The following NRDE2 variants were observed in gnomAD, a reference collection of about 807,000 sequenced individuals.
NRDE2 encodes NRDE-2, necessary for RNA interference, domain containing, also known as nuclear exosome regulator NRDE2.
Under a neutral mutation model 124.2 loss-of-function variants are expected in NRDE2, and 76 were observed. That is an observed-to-expected ratio of 0.61 (90% CI 0.51 to 0.74). NRDE2 has a LOEUF of 0.74. NRDE2 is among the 30% of genes least tolerant of loss of function. NRDE2 has a pLI of 0.00. For synonymous variants in NRDE2, 489 were observed against 528.1 expected (o/e 0.93, Z 1.01); for missense variants, 1,314 against 1,417.3 (o/e 0.93, Z 1.17).
chr14:90,304,290 C>A lies in NRDE2; in HGVS notation c.650G>T (p.Arg217Leu). ...AGTAAAATAGCGTTCAACCTGCTTG[C>A]GTGAATGCTTCTTCTCTGTGGAAGT... ...EGTSTEKKHS[R>L]KQVERYFTKK... Residue 217 changes from arginine to leucine, a missense_variant, in exon 5 of 14, where the codon CGC (arginine) becomes CTC (leucine). Transcript: ENST00000354366. 1 of 1,614,102 alleles carries A rather than the reference C, an allele frequency of 6.2e-7. No homozygotes were observed. The highest frequency in any genetic ancestry group is 8.5e-7 in the Non-Finnish European group (1 of 1,179,970).
rs773313077 is a variant in NRDE2, at chr14:90,290,433, C to G, written c.2017G>C (p.Asp673His). Reference sequence around the variant, plus strand: ...TTGAAAAAAGTCAAGGGCTTTTCATCATAAAGTCCATTATCAAAGATGCTG... The same window carrying G: ...TTGAAAAAAGTCAAGGGCTTTTCATGATAAAGTCCATTATCAAAGATGCTG... ...ENSIFDNGLY[D>H]EKPLTFFNPL... Residue 673 changes from aspartate to histidine, a missense_variant, in exon 10 of 14, where the codon GAT becomes CAT. Transcript: ENST00000354366. 1.2e-6 allele frequency: 2 copies of G among 1,614,060 alleles called. No individual in the cohort carries two copies. Among genetic ancestry groups the G allele is most frequent in the Non-Finnish European group, 1.7e-6 (2 of 1,180,024 alleles).
chr14:90,299,404 ATTAG>A lies in NRDE2; in HGVS notation c.1546-1028_1546-1025del, dbSNP rs762656260. 1.6e-3 allele frequency among the ~76,000 whole-genome samples: 25 copies of A among 15,554 alleles called. 2 individuals are homozygous for A. In the East Asian group the frequency reaches 0.095, roughly 59 times the overall value. The allele number at this position is 15,554 out of a possible 152,430, so 10.2% of individuals were successfully genotyped here. On this transcript the variant is annotated intron_variant, in intron 7 of 13. Transcript: ENST00000354366. ...TAGCACCTCCCTCATTCATTCGAGC[ATTAG>A]GTGTGTGGTAAGCAGCTCACTGGCA...
At chr14:90,301,643 G>A in intron 6 of NRDE2, 1 of 446,414 alleles carries the variant, frequency 2.2e-6, no homozygotes, top group South Asian at 1.8e-5. Context: ...AAGTCAAGAG[G>A]TTGGTCTGAA....
intron 12 of NRDE2, among the ~76,000 whole-genome samples, chr14:90,284,350 ATTT>A (rs546656748): frequency 3.7e-5 from 5 of 134,368 alleles, no homozygotes; most frequent in Admixed American, 7.4e-5. Context: ...TTTTTTTTCT[ATTT>A]TTTTTTTTTT....
rs757288353 is a variant in NRDE2 at position 90,288,464 on chromosome 14, A to T, written c.2911T>A (p.Phe971Ile). The change falls in exon 11 of 14, where the codon TTC becomes ATC. Residue 971 changes from phenylalanine to isoleucine, a missense_variant. Physicochemically the swap from Phe to Ile is conservative, Grantham distance 21. Coordinates refer to ENST00000354366, the MANE Select transcript of NRDE2 (RefSeq NM_017970.4). ...GGGTAAACACTCACTTTCATGTGGA[A>T]TCTCAGCAGGCTCGTGTGCATCAGT... ...ITLMHTSLLR[F>I]HMKVSVYPLA... 1.2e-6 allele frequency: 2 copies of T among 1,614,174 alleles called. No homozygotes were observed. The highest frequency in any genetic ancestry group is 2.2e-5 in the South Asian group (2 of 91,088).
intron 1 of NRDE2, among the ~76,000 whole-genome samples, chr14:90,322,708 A>G (rs1885285744): frequency 1.3e-5 from 2 of 152,358 alleles, no homozygotes; most frequent in African/African-American, 4.8e-5. Context: ...TTCTGCTCAC[A>G]TGGAGTTTAT....
chr14:90,304,545 T>A, intron 4 of NRDE2, 163 bp from the exon 5 acceptor site: 1 of 573,556 alleles, frequency 1.7e-6, no homozygotes, highest in Non-Finnish European at 3.1e-6. Context: ...CAAGGACTAG[T>A]AATTAACTTT....
chr14:90,282,105 T>C (rs56197522), intron 12 of NRDE2, among the ~76,000 whole-genome samples: 2,772 of 152,346 alleles, frequency 0.018, 84 homozygotes, highest in African/African-American at 0.063. Context: ...CATAGTTCCT[T>C]CTTTATTGTG....
At position 90,271,812 on chromosome 14, in the gene NRDE2, C is replaced by T. The variant is rs995570637; in HGVS notation, c.*6524G>A. ...CTTTCAGAAAATAGGATGCTTAAAACATTTTTTTTAAAAATCAAATCTTTC... is the reference window on the plus strand; with the variant it reads ...CTTTCAGAAAATAGGATGCTTAAAATATTTTTTTTAAAAATCAAATCTTTC... On this transcript the variant is annotated 3_prime_UTR_variant, in exon 14 of 14. Coordinates refer to ENST00000354366, the MANE Select transcript of NRDE2 (RefSeq NM_017970.4). The T allele has an allele frequency of 6.5e-6, 1 of 153,116 alleles. No homozygotes were observed. The highest frequency in any genetic ancestry group is 6.5e-5 in the Admixed American group (1 of 15,278). The allele number at this position is 153,116 out of a possible 1,614,324, so 9.5% of individuals were successfully genotyped here.
Position 90,268,162 on chromosome 14 carries a change from T to G in NRDE2, c.*10174A>C. 4 of 1,388,004 alleles carry G rather than the reference T, an allele frequency of 2.9e-6. No homozygotes were observed. Among genetic ancestry groups the G allele is most frequent in the African/African-American group, 1.5e-5 (1 of 68,700 alleles). 86.0% of individuals were successfully genotyped at this position (1,388,004 alleles called of 1,614,324 possible). ...CCATTTAAGGTGGTAATGATACGAG[T>G]TTTTAAGTTAAAATGGCACTTAAGG... On this transcript the variant is annotated 3_prime_UTR_variant, in exon 14 of 14. Transcript: ENST00000354366.
At chr14:90,284,249 T>G (rs536348048) in intron 12 of NRDE2, among the ~76,000 whole-genome samples, 17 of 152,312 alleles carry the variant, frequency 1.1e-4, no homozygotes, top group African/African-American at 3.8e-4. Flanking sequence ...ACTCCAGTTT[T>G]GTCATGTGTA....
Position 90,286,285 on chromosome 14 carries a change from A to G in NRDE2, c.3297+69T>C, listed in dbSNP as rs1024560249. The stretch of plus-strand genomic sequence containing the variant: ...GCAGGGGCTACTTCTCATTTCATAA[A>G]TACCTTCTCATTTATGAAGGAAGAG... On this transcript the variant is annotated intron_variant, in intron 12 of 13. Transcript: ENST00000354366. 2.6e-6 allele frequency: 4 copies of G among 1,529,796 alleles called. No homozygotes were observed. The South Asian group carries it at 5.1e-5, about 19-fold the overall frequency. 94.8% of individuals were successfully genotyped at this position (1,529,796 alleles called of 1,614,324 possible). A position where few individuals can be genotyped will look rare whatever the true frequency, so the allele number is the denominator to read the frequency against.
chr14:90,294,378 C>T (rs1473265727), intron 8 of NRDE2, among the ~76,000 whole-genome samples: 2 of 151,772 alleles, frequency 1.3e-5, no homozygotes, highest in African/African-American at 4.8e-5. Context: ...GAACTGAAAG[C>T]AGAGTCTCAA....
intron 7 of NRDE2, among the ~76,000 whole-genome samples, chr14:90,299,164 A>G (rs8004058): frequency 0.028 from 4,333 of 152,088 alleles, 220 homozygotes; most frequent in African/African-American, 0.099. Flanking sequence ...CTCCTACCTC[A>G]GCCTCCCGAG....
At chr14:90,319,531 T>C (rs1453524235) in intron 1 of NRDE2, among the ~76,000 whole-genome samples, 1 of 148,338 alleles carries the variant, frequency 6.7e-6, no homozygotes, top group Non-Finnish European at 1.5e-5. Context: ...AGCCAAACAC[T>C]AACCTGCTTT....
In NRDE2 at chr14:90,302,770, C is replaced by T. The variant is rs1247276109; in HGVS notation, c.1361G>A (p.Gly454Asp). 4.3e-6 allele frequency: 7 copies of T among 1,613,758 alleles called. No homozygotes were observed. The Admixed American group carries it at 1.0e-4, about 23-fold the overall frequency. ...CAACGCAGGGTGAGATAAGATGCTG[C>T]CGTCCTTAACAGCAGACAAAGTGCT... ...CLSTLSAVKD[G>D]SILSHPALPG... The change falls in exon 6 of 14, where the codon GGC (glycine) becomes GAC (aspartate). Residue 454 changes from glycine (G) to aspartate (D), a missense_variant. Transcript: ENST00000354366.
chr14:90,329,500 G>A (rs141123428), intron 1 of NRDE2, among the ~76,000 whole-genome samples: 121 of 152,132 alleles, frequency 8.0e-4, no homozygotes, highest in Middle Eastern at 3.4e-3. Flanking sequence ...AGCAGTCTGA[G>A]ATCAGCCTGG....
intron 6 of NRDE2, 108 bp downstream of exon 6, chr14:90,302,612 A>C: frequency 8.2e-7 from 1 of 1,226,106 alleles, no homozygotes; most frequent in Non-Finnish European, 1.1e-6. Flanking sequence ...GTTCTATCAA[A>C]CAATTTAGAC....
At chr14:90,308,270 T>A (rs531519555) in intron 4 of NRDE2, among the ~76,000 whole-genome samples, 55 of 152,208 alleles carry the variant, frequency 3.6e-4, no homozygotes, top group Non-Finnish European at 7.3e-4. Context: ...TTTCCAAATA[T>A]AGTTTGACTC....
Sources: allele counts gnomAD v4.1 joint callset (sites outside exome capture counted in the v4.1 genomes callset), GRCh38; gene constraint gnomAD v4.1.1; transcripts MANE v1.5; gene names NCBI Gene and HGNC (gene_info 2026-07-23, HGNC 2026-07-21).